PLEKHG5: variants seen among roughly 807,000 people sequenced by gnomAD.
PLEKHG5 encodes pleckstrin homology and RhoGEF domain containing G5, also known as pleckstrin homology domain-containing family G member 5.
A neutral mutation model predicts 103.8 loss-of-function variants in PLEKHG5; 52 were observed. The observed-to-expected ratio is 0.50, with a 90% CI of 0.40 to 0.63. The LOEUF is 0.63. PLEKHG5 is among the 30% of genes least tolerant of loss of function. The pLI, the probability that PLEKHG5 is intolerant of heterozygous loss-of-function variation, is 0.00. For synonymous variants in PLEKHG5, 592 were observed against 575.5 expected, an observed-to-expected ratio of 1.03 and a Z score of -0.41; for missense variants, 1,205 against 1,347.6, an observed-to-expected ratio of 0.89 and a Z score of 1.66.
chr1:6,492,675 C>T (rs1232419698), upstream of PLEKHG5, among the ~76,000 whole-genome samples: 3 of 152,106 alleles, frequency 2.0e-5, no homozygotes, highest in Non-Finnish European at 4.4e-5. Context: ...TCCTCGCTGC[C>T]GGGTTATTTT....
rs866859069 is a variant in PLEKHG5 at position 6,501,785 on chromosome 1, C to A, written c.-164-5216G>T. 6.6e-6 allele frequency among the ~76,000 whole-genome samples: 1 copy of A among 152,210 alleles called. No individual in the cohort carries two copies. Among genetic ancestry groups the A allele is most frequent in the East Asian group, 1.9e-4 (1 of 5,198 alleles). ...CTGACACAATTAGCTGTCTGGAAAA[C>A]GTGAATTGGTCCCCCCATCATGACA... On this transcript the variant is annotated intron_variant, in intron 1 of 21. Transcript: ENST00000377740. This position sits in a 1 kb window ranked among gnomAD's most constrained non-coding sequence, Gnocchi z 4.3.
At chr1:6,517,497 T>A (rs936101874) in intron 1 of PLEKHG5, among the ~76,000 whole-genome samples, 6 of 152,182 alleles carry the variant, frequency 3.9e-5, no homozygotes, top group African/African-American at 1.2e-4. Context: ...AGTGGCCATT[T>A]TACTATGTGA....
chr1:6,469,062 G>A lies in PLEKHG5; in HGVS notation c.2229C>T (p.Gly743=), dbSNP rs997201165. The A allele has an allele frequency of 1.9e-6, 3 of 1,613,444 alleles. No individual in the cohort carries two copies. Among genetic ancestry groups the A allele is most frequent in the Admixed American group, 3.3e-5 (2 of 59,988 alleles). The change falls in exon 19 of 21, where the codon GGC becomes GGT. Residue 743 remains glycine (G), a synonymous_variant. Transcript: ENST00000377728. ...SSPTIMRKSS[G]SPDSQHCASD... is the part of the protein sequence containing the mutation. ...CGTACCAGTGCTGAGAGTCGGGGCT[G>A]CCGCTGCTTTTCCGCATGATGGTAG...
intron 6 of PLEKHG5, 22 bp from the exon 7 acceptor site, chr1:6,474,186 G>A: frequency 6.2e-7 from 1 of 1,612,738 alleles, no homozygotes; most frequent in Non-Finnish European, 8.5e-7. Flanking sequence ...GGCCACGAGA[G>A]ATCCTCAGTA....
chr1:6,486,230 G>T lies in PLEKHG5; in HGVS notation c.-88+5407C>A, dbSNP rs868772853. Among the ~76,000 whole-genome samples the T allele has an allele frequency of 1.3e-5, 2 of 152,082 alleles. No homozygotes were observed. The highest frequency in any genetic ancestry group is 4.1e-4 in the South Asian group (2 of 4,830). On this transcript the variant is annotated intron_variant, in intron 1 of 20. Transcript: ENST00000377728. The surrounding 1 kb of genome is among the most constrained non-coding windows in gnomAD (Gnocchi z 5.3). Reference sequence around the variant, plus strand: ...TCTTAGAATACAGGCACCAGAAGGGGGAGGCCAGGATGGGGCACACTCCCC... The same window carrying T: ...TCTTAGAATACAGGCACCAGAAGGGTGAGGCCAGGATGGGGCACACTCCCC...
chr1:6,470,958 T>A (rs367581710), intron 13 of PLEKHG5, 32 bp downstream of exon 13: 51 of 1,392,640 alleles, frequency 3.7e-5, no homozygotes, highest in South Asian at 6.1e-5. Flanking sequence ...CCCGTCCTCC[T>A]GCGCCCCCGC....
At position 6,471,816 on chromosome 1, in the gene PLEKHG5, A is replaced by G; in HGVS notation, c.1081-8T>C. 6.2e-7 allele frequency: 1 copy of G among 1,605,006 alleles called. No homozygotes were observed. The highest frequency in any genetic ancestry group is 1.1e-5 in the South Asian group (1 of 89,200). ...GAGGCAGCACAGGAACAGCTGTGGG[A>G]TCAGGGGATGGTGTGACTGGGGTCG... On this transcript the variant is annotated splice_polypyrimidine_tract_variant and splice_region_variant and intron_variant, in intron 10 of 20. Coordinates refer to ENST00000377728, the MANE Select transcript of PLEKHG5 (RefSeq NM_020631.6).
At chr1:6,479,433 C>A (rs1442276561) in intron 1 of PLEKHG5, among the ~76,000 whole-genome samples, 2 of 151,456 alleles carry the variant, frequency 1.3e-5, no homozygotes, top group East Asian at 3.9e-4. Flanking sequence ...ACTACAGGCG[C>A]CCGCCACCAC....
chr1:6,481,907 C>G (rs11805101), intron 1 of PLEKHG5, among the ~76,000 whole-genome samples: 4,535 of 149,036 alleles, frequency 0.03, 222 homozygotes, highest in African/African-American at 0.1. Context: ...GGTTTTCAGT[C>G]TTTTATGACA....
rs1388024001 is a variant in PLEKHG5 at position 6,491,231 on chromosome 1, GGGGCCCACTCGAGGAGGTGGAGTTCA to G, written c.-88+380_-88+405del. Among the ~76,000 whole-genome samples the G allele has an allele frequency of 6.6e-6, 1 of 152,082 alleles. No homozygotes were observed. The highest frequency in any genetic ancestry group is 1.5e-5 in the Non-Finnish European group (1 of 68,004). ...AGGACTGGGAAGGGTGTGGATACAG[GGGGCCCACTCGAGGAGGTGGAGTTCA>G]GGTCCACCAACCTGTTCCGCACTTT... On this transcript the variant is annotated intron_variant, in intron 1 of 20. Coordinates refer to ENST00000377728, the MANE Select transcript of PLEKHG5 (RefSeq NM_020631.6). This position sits in a 1 kb window ranked among gnomAD's most constrained non-coding sequence, Gnocchi z 4.1.
At chr1:6,517,448 T>C (rs1249436448) in intron 1 of PLEKHG5, among the ~76,000 whole-genome samples, 2 of 151,910 alleles carry the variant, frequency 1.3e-5, no homozygotes, top group Non-Finnish European at 2.9e-5. Context: ...GGACGCAATC[T>C]CCCTTCAGTA....
At chr1:6,508,185 G>GGGA (rs386366134) in intron 1 of PLEKHG5, among the ~76,000 whole-genome samples, 23 of 151,708 alleles carry the variant, frequency 1.5e-4, no homozygotes, top group East Asian at 1.2e-3. Flanking sequence ...CGGTCACCTG[G>GGGA]GGCCCCACTC....
intron 1 of PLEKHG5, among the ~76,000 whole-genome samples, chr1:6,516,452 T>C (rs755526628): frequency 6.6e-6 from 1 of 151,422 alleles, no homozygotes; most frequent in Non-Finnish European, 1.5e-5. Context: ...AGGTCAGGAG[T>C]TCCAGACTAG....
upstream of PLEKHG5, among the ~76,000 whole-genome samples, chr1:6,501,021 G>A (rs182477192): frequency 1.4e-3 from 215 of 152,296 alleles, 1 homozygote; most frequent in South Asian, 0.021. The surrounding 1 kb of genome is among the most constrained non-coding windows in gnomAD (Gnocchi z 4.3). Flanking sequence ...CAGGGTTTCG[G>A]AAGAATTTAA....
At chr1:6,494,717 C>A (rs1645198355), upstream of PLEKHG5, among the ~76,000 whole-genome samples, 1 of 152,216 alleles carries the variant, frequency 6.6e-6, no homozygotes, top group Non-Finnish European at 1.5e-5. Context: ...CCATTAAAGG[C>A]CCCCTCCTCC....
At chr1:6,497,579 C>T (rs1297938930), upstream of PLEKHG5, among the ~76,000 whole-genome samples, 1 of 152,072 alleles carries the variant, frequency 6.6e-6, no homozygotes, top group Non-Finnish European at 1.5e-5. This position sits in a 1 kb window ranked among gnomAD's most constrained non-coding sequence, Gnocchi z 6.1. Context: ...GGTCCGGAGG[C>T]TGCCTCCACC....
chr1:6,485,473 G>A (rs1278180072), intron 1 of PLEKHG5: 10 of 1,245,922 alleles, frequency 8.0e-6, no homozygotes, highest in Admixed American at 4.2e-5. Flanking sequence ...GGTCTGCGCC[G>A]CCCGCCGGAC....
upstream of PLEKHG5, among the ~76,000 whole-genome samples, chr1:6,493,420 A>C (rs1405644931): frequency 1.3e-5 from 2 of 152,208 alleles, no homozygotes; most frequent in Non-Finnish European, 2.9e-5. Flanking sequence ...CTGGAGAGTA[A>C]GAATAGGGCT....
In PLEKHG5 at chr1:6,468,142, G is replaced by A. The variant is rs1644448939; in HGVS notation, c.2694C>T (p.Pro898=). Residue 898 remains proline (P), a synonymous_variant, in exon 20 of 21, where the codon CCC becomes CCT. Transcript: ENST00000377728. ...GGCAGAGCTCTGACAGGCTGCGGCT[G>A]GGGGCAGAGGGTGTCCCATGGGTGC... ...GAGTHGTPSA[P]SRSLSELCLA... is the part of the protein sequence containing the mutation. 6.4e-7 allele frequency: 1 copy of A among 1,568,422 alleles called. No individual in the cohort carries two copies.
Sources: allele counts gnomAD v4.1 joint callset (sites outside exome capture counted in the v4.1 genomes callset), GRCh38; gene constraint gnomAD v4.1.1; non-coding constraint Gnocchi (gnomAD v3.1); transcripts MANE v1.5; gene names NCBI Gene and HGNC (gene_info 2026-07-23, HGNC 2026-07-21).